The following PTPRG variants were observed in gnomAD, a reference collection of about 807,000 sequenced individuals.
PTPRG encodes receptor-type tyrosine-protein phosphatase gamma.
Under a neutral mutation model 165.3 loss-of-function variants are expected in PTPRG, and 102 were observed. The ratio of observed to expected loss-of-function variants is 0.62; its 90% CI spans 0.53 to 0.73. PTPRG has a LOEUF of 0.73. Ranked by LOEUF, PTPRG falls within the 30% of genes least tolerant of loss-of-function variation. The pLI, the probability that PTPRG is intolerant of heterozygous loss-of-function variation, is 0.00. For missense variants in PTPRG, 1,866 were observed against 1,861.4 expected (o/e 1.00, Z -0.05); for synonymous variants, 675 against 669.5 (o/e 1.01, Z -0.13).
intron 4 of PTPRG, among the ~76,000 whole-genome samples, chr3:62,041,248 G>T (rs560324252): frequency 1.3e-5 from 2 of 151,960 alleles, no homozygotes; most frequent in South Asian, 4.1e-4. Context: ...TTGCAGCCAT[G>T]CTTCAGAGAA....
chr3:61,860,434 CTTT>C (rs766688465), intron 2 of PTPRG, among the ~76,000 whole-genome samples: 9,212 of 95,148 alleles, frequency 0.097, 131 homozygotes, highest in African/African-American at 0.11. Flanking sequence ...GTTTTTGTTC[CTTT>C]TTTTTTTTTT....
chr3:62,209,608 G>A (rs1700310459), intron 12 of PTPRG, among the ~76,000 whole-genome samples: 1 of 152,094 alleles, frequency 6.6e-6, no homozygotes, highest in South Asian at 2.1e-4. Context: ...TGCTCGTCAG[G>A]TTTCTTTCTA....
intron 2 of PTPRG, among the ~76,000 whole-genome samples, chr3:61,917,686 T>G (rs1575782661): frequency 6.6e-6 from 1 of 152,200 alleles, no homozygotes; most frequent in Non-Finnish European, 1.5e-5. Flanking sequence ...TCCCAGCACT[T>G]TGCGAGGCTG....
At chr3:61,724,190 TG>T (rs2032162474) in intron 1 of PTPRG, among the ~76,000 whole-genome samples, 1 of 134,638 alleles carries the variant, frequency 7.4e-6, no homozygotes, top group Admixed American at 8.8e-5. Flanking sequence ...TACTCCAGCC[TG>T]GGTGACAGAG....
intron 13 of PTPRG, among the ~76,000 whole-genome samples, chr3:62,225,932 G>A (rs1700755307): frequency 1.3e-5 from 2 of 152,106 alleles, no homozygotes; most frequent in South Asian, 4.2e-4. Flanking sequence ...GGGATTACAG[G>A]TGTCAGCCAC....
chr3:61,914,592 T>C (rs2038886635), intron 2 of PTPRG, among the ~76,000 whole-genome samples: 1 of 152,224 alleles, frequency 6.6e-6, no homozygotes, highest in South Asian at 2.1e-4. Context: ...GTCTTGGCCT[T>C]TATGAATAAA....
chr3:61,731,053 C>G (rs2032471297), intron 1 of PTPRG, among the ~76,000 whole-genome samples: 2 of 152,182 alleles, frequency 1.3e-5, no homozygotes. Context: ...TTATTCAATG[C>G]CAAGCCAAGG....
chr3:62,111,702 G>A (rs1161032646), intron 5 of PTPRG, among the ~76,000 whole-genome samples: 5 of 152,138 alleles, frequency 3.3e-5, no homozygotes, highest in Non-Finnish European at 7.4e-5. Context: ...TCTGGCCTCG[G>A]CCTCCCAAAG....
chr3:62,124,013 A>G (rs1313506460), intron 5 of PTPRG, among the ~76,000 whole-genome samples: 1 of 152,196 alleles, frequency 6.6e-6, no homozygotes, highest in Non-Finnish European at 1.5e-5. Context: ...CGAATATCAC[A>G]GTCCAAGTGA....
chr3:61,988,572 C>A (rs2040816015), intron 2 of PTPRG, among the ~76,000 whole-genome samples: 1 of 152,168 alleles, frequency 6.6e-6, no homozygotes, highest in South Asian at 2.1e-4. Flanking sequence ...AAAATCCCCA[C>A]CCATCTACCA....
chr3:62,061,507 A>G (rs1372234804), intron 4 of PTPRG, among the ~76,000 whole-genome samples: 1 of 152,114 alleles, frequency 6.6e-6, no homozygotes, highest in Non-Finnish European at 1.5e-5. Flanking sequence ...CCAAATTACT[A>G]ACTTCCCTGC....
chr3:61,587,933 C>G (rs1263078045), intron 1 of PTPRG, among the ~76,000 whole-genome samples: 1 of 150,702 alleles, frequency 6.6e-6, no homozygotes, highest in Non-Finnish European at 1.5e-5. Flanking sequence ...TGTTGGAATT[C>G]CAGGCATGAG....
chr3:62,189,131 G>T (rs1699741203), intron 8 of PTPRG, among the ~76,000 whole-genome samples: 1 of 152,124 alleles, frequency 6.6e-6, no homozygotes. Flanking sequence ...GCAGCGGACA[G>T]CGTGATGCCT....
chr3:62,166,682 T>C (rs2106729854), intron 7 of PTPRG, among the ~76,000 whole-genome samples: 1 of 151,760 alleles, frequency 6.6e-6, no homozygotes, highest in Admixed American at 6.6e-5. Flanking sequence ...CACAAAAAAA[T>C]CCCTTTTTTG....
chr3:61,782,329 G>A (rs955824927), intron 2 of PTPRG, among the ~76,000 whole-genome samples: 3 of 152,120 alleles, frequency 2.0e-5, no homozygotes, highest in Non-Finnish European at 4.4e-5. Context: ...GGTATCACTT[G>A]GCTAATTTGA....
intron 5 of PTPRG, among the ~76,000 whole-genome samples, chr3:62,089,174 A>G (rs984360850): frequency 3.9e-5 from 6 of 152,224 alleles, no homozygotes; most frequent in Non-Finnish European, 8.8e-5. Flanking sequence ...TCTCTTGAGT[A>G]TCCCTGTGAC....
chr3:61,606,255 A>G (rs1701002615), intron 1 of PTPRG, among the ~76,000 whole-genome samples: 2 of 152,166 alleles, frequency 1.3e-5, no homozygotes, highest in Admixed American at 1.3e-4. Context: ...CTGAGGCCTC[A>G]GCTCCTGAAG....
At chr3:61,940,072 G>A (rs1162993006) in intron 2 of PTPRG, among the ~76,000 whole-genome samples, 1 of 150,272 alleles carries the variant, frequency 6.7e-6, no homozygotes, top group African/African-American at 2.5e-5. Context: ...TCAGCCTCCT[G>A]AGTAGCAGGG....
intron 12 of PTPRG, among the ~76,000 whole-genome samples, chr3:62,205,997 G>C (rs1191656603): frequency 6.6e-6 from 1 of 152,186 alleles, no homozygotes; most frequent in Non-Finnish European, 1.5e-5. Context: ...GGTGGACTTG[G>C]AATTGACTTT....
Sources: gnomAD v4.1 joint callset for allele counts (sites outside exome capture counted in the v4.1 genomes callset) on GRCh38, gnomAD v4.1.1 for gene constraint, MANE v1.5 for transcripts, NCBI Gene and HGNC (gene_info 2026-07-23, HGNC 2026-07-21) for gene names.